The following CNBD1 variants were observed in gnomAD, a reference collection of about 807,000 sequenced individuals.
The protein encoded by CNBD1 is cyclic nucleotide-binding domain-containing protein 1.
CNBD1 carries 71 observed loss-of-function variants against 54.4 expected under a neutral mutation model. The observed-to-expected ratio is 1.30, with a 90% confidence interval of 1.08 to 1.59. The LOEUF is 1.59. Among genes scored for constraint, CNBD1 ranks in the 40% most tolerant of loss-of-function variants. The probability of loss-of-function intolerance (pLI) is 0.00; values close to 1 mark genes in which losing one functional copy is unlikely to be tolerated. For missense variants in CNBD1, 659 were observed against 518.0 expected (o/e 1.27, Z -2.64); for synonymous variants, 182 against 170.7 (o/e 1.07, Z -0.51).
chr8:87,338,530 C>G (rs1810000502), intron 8 of CNBD1, among the ~76,000 whole-genome samples: 1 of 150,812 alleles, frequency 6.6e-6, no homozygotes, highest in Non-Finnish European at 1.5e-5. Context: ...CCAACCTCTT[C>G]TTGTATGCAT....
chr8:87,392,988 C>T (rs774428920), intron 2 of CNBD1, among the ~76,000 whole-genome samples: 6 of 151,682 alleles, frequency 4.0e-5, no homozygotes, highest in Non-Finnish European at 7.4e-5. Context: ...AGTGGTTCTA[C>T]GTAACATTTT....
At chr8:87,183,686 C>T (rs766537798) in intron 4 of CNBD1, among the ~76,000 whole-genome samples, 3 of 152,126 alleles carry the variant, frequency 2.0e-5, no homozygotes, top group Non-Finnish European at 4.4e-5. Context: ...TTTGAAGTTG[C>T]TGTCCTTTAG....
At chr8:87,006,315 AG>A (rs1288982349) in intron 4 of CNBD1, among the ~76,000 whole-genome samples, 3 of 152,196 alleles carry the variant, frequency 2.0e-5, no homozygotes, top group Non-Finnish European at 4.4e-5. Flanking sequence ...CCAAAACAGA[AG>A]GCATCACTTG....
intron 6 of CNBD1, among the ~76,000 whole-genome samples, chr8:87,243,326 A>AT (rs1807741393): frequency 6.6e-6 from 1 of 152,234 alleles, no homozygotes; most frequent in Admixed American, 6.5e-5. Context: ...TCAAACAAGA[A>AT]CATATTCCAA....
In CNBD1 at chr8:87,204,139, T is replaced by C. The variant is rs143104030; in HGVS notation, c.432-1854T>C. Among the ~76,000 whole-genome samples, 5 of 152,248 alleles carry C rather than the reference T, an allele frequency of 3.3e-5. No individual in the cohort carries two copies. The East Asian group carries it at 9.6e-4, about 29-fold the overall frequency. On this transcript the variant is annotated intron_variant, in intron 4 of 10. Transcript: ENST00000518476. ...TCTTTTGGTTTGCAAGTTCAATGAG[T>C]CAAAACTTTTTTTGGAGCATAATAT...
At chr8:87,057,292 A>G (rs969808915) in intron 4 of CNBD1, among the ~76,000 whole-genome samples, 4 of 152,286 alleles carry the variant, frequency 2.6e-5, no homozygotes, top group African/African-American at 7.2e-5. Context: ...TCTTCTTCAC[A>G]TGGCAGCAGG....
chr8:87,131,953 T>G (rs558620106), intron 4 of CNBD1, among the ~76,000 whole-genome samples: 9 of 152,186 alleles, frequency 5.9e-5, no homozygotes, highest in Non-Finnish European at 1.0e-4. Flanking sequence ...AGACTGACTT[T>G]GTTTCCCTTC....
intron 4 of CNBD1, among the ~76,000 whole-genome samples, chr8:87,183,290 T>C (rs1201959921): frequency 2.6e-5 from 4 of 152,256 alleles, no homozygotes; most frequent in Admixed American, 6.5e-5. Context: ...CCATGCTGTT[T>C]TGGTTGCTGT....
intron 3 of CNBD1, among the ~76,000 whole-genome samples, chr8:86,914,911 AG>A (rs1207547569): frequency 2.6e-5 from 4 of 152,236 alleles, no homozygotes; most frequent in Non-Finnish European, 5.9e-5. Context: ...CATAGAAAAA[AG>A]ATTGTAATTA....
intron 10 of CNBD1, among the ~76,000 whole-genome samples, chr8:87,371,939 G>A (rs530078471): frequency 1.4e-3 from 206 of 151,898 alleles, no homozygotes; most frequent in Non-Finnish European, 1.8e-3. Context: ...AGACAGGGAC[G>A]CCCTCTCTCA....
At chr8:87,362,720 C>T (rs187107976) in intron 10 of CNBD1, among the ~76,000 whole-genome samples, 3 of 152,180 alleles carry the variant, frequency 2.0e-5, no homozygotes, top group South Asian at 2.1e-4. Flanking sequence ...TTCGAACCCT[C>T]TGTGAGTCCA....
At chr8:87,324,934 G>A (rs1177734970) in intron 8 of CNBD1, among the ~76,000 whole-genome samples, 1 of 107,468 alleles carries the variant, frequency 9.3e-6, no homozygotes, top group Non-Finnish European at 1.9e-5. Context: ...TCTCTTGTGG[G>A]CATTCAGTGC....
At chr8:87,297,457 C>A (rs1456226209) in intron 8 of CNBD1, among the ~76,000 whole-genome samples, 7 of 151,978 alleles carry the variant, frequency 4.6e-5, no homozygotes, top group African/African-American at 1.7e-4. Flanking sequence ...TACTGTAAAA[C>A]AGAAAAAGAG....
At chr8:86,989,147 C>T (rs1057471795) in intron 4 of CNBD1, among the ~76,000 whole-genome samples, 1 of 152,032 alleles carries the variant, frequency 6.6e-6, no homozygotes, top group Admixed American at 6.6e-5. Context: ...TGACGTGTGC[C>T]TGTAGTGCCA....
chr8:86,953,524 CA>C (rs1275127519), intron 4 of CNBD1, among the ~76,000 whole-genome samples: 1 of 152,172 alleles, frequency 6.6e-6, no homozygotes, highest in African/African-American at 2.4e-5. Flanking sequence ...CACATTTTAA[CA>C]TTTTTCACTA....
At chr8:86,932,698 GA>G (rs199827508) in intron 3 of CNBD1, among the ~76,000 whole-genome samples, 1 of 151,616 alleles carries the variant, frequency 6.6e-6, no homozygotes, top group Non-Finnish European at 1.5e-5. Context: ...CCATAGTGCA[GA>G]AAAAAAATAA....
At chr8:87,010,129 A>C (rs1809184523) in intron 4 of CNBD1, among the ~76,000 whole-genome samples, 1 of 152,160 alleles carries the variant, frequency 6.6e-6, no homozygotes, top group Non-Finnish European at 1.5e-5. Flanking sequence ...AATAAAATTC[A>C]ATGAAGTTAC....
chr8:87,189,918 A>G (rs183397181), intron 4 of CNBD1, among the ~76,000 whole-genome samples: 41 of 152,354 alleles, frequency 2.7e-4, no homozygotes, highest in African/African-American at 9.1e-4. Context: ...ACTGTATTCC[A>G]GGAAAAGAAT....
intron 4 of CNBD1, among the ~76,000 whole-genome samples, chr8:87,198,218 T>C (rs1333053008): frequency 6.6e-6 from 1 of 152,150 alleles, no homozygotes; most frequent in Admixed American, 6.5e-5. Flanking sequence ...ATAGCAGCTA[T>C]GAAAGCCAGC....
Sources: gnomAD v4.1 joint callset for allele counts (sites outside exome capture counted in the v4.1 genomes callset) on GRCh38, gnomAD v4.1.1 for gene constraint, MANE v1.5 for transcripts, NCBI Gene and HGNC (gene_info 2026-07-23, HGNC 2026-07-21) for gene names.